SMAD5: variants seen among roughly 807,000 people sequenced by gnomAD.
SMAD5 encodes SMAD family member 5.
In SMAD5, 9 loss-of-function variants were observed where a neutral mutation model predicts 43.1. The observed-to-expected ratio is 0.21, with a 90% confidence interval of 0.13 to 0.36. The LOEUF (loss-of-function observed/expected upper bound fraction) is 0.36, where lower values mean the gene tolerates loss of function less well. SMAD5 is among the 10% of genes least tolerant of loss of function. The pLI, the probability that SMAD5 is intolerant of heterozygous loss-of-function variation, is 1.00. For synonymous variants in SMAD5, 190 were observed against 192.4 expected (o/e 0.99, Z 0.10); for missense variants, 348 against 574.0 (o/e 0.61, Z 4.02).
At chr5:136,163,203 T>C in intron 4 of SMAD5, 69 bp from the exon 5 acceptor site, 1 of 1,371,522 alleles carries the variant, frequency 7.3e-7, no homozygotes, top group Non-Finnish European at 1.0e-6. Flanking sequence ...CTTAAGAATT[T>C]TCTAAAGCTT....
chr5:136,151,540 G>T (rs1753462860), intron 2 of SMAD5, among the ~76,000 whole-genome samples: 1 of 152,028 alleles, frequency 6.6e-6, no homozygotes, highest in African/African-American at 2.4e-5. Context: ...CAATTAGGTA[G>T]GATAATGGTT....
intron 2 of SMAD5, among the ~76,000 whole-genome samples, chr5:136,148,762 G>A (rs1266953369): frequency 1.3e-5 from 2 of 151,720 alleles, no homozygotes; most frequent in Non-Finnish European, 3.0e-5. Context: ...ATAAACTTTG[G>A]AAATCTTGGA....
chr5:136,149,169 C>T (rs1161504638), intron 2 of SMAD5, among the ~76,000 whole-genome samples: 1 of 151,754 alleles, frequency 6.6e-6, no homozygotes, highest in Non-Finnish European at 1.5e-5. Context: ...CATACTAGTT[C>T]TTTCTGTAGC....
intron 4 of SMAD5, 150 bp from the exon 5 acceptor site, chr5:136,163,122 T>A: frequency 1.9e-6 from 1 of 533,692 alleles, no homozygotes; most frequent in Non-Finnish European, 3.1e-6. Context: ...CTGTTCTCCT[T>A]TTCCCTTGCC....
intron 5 of SMAD5, among the ~76,000 whole-genome samples, chr5:136,166,684 G>T (rs1754026030): frequency 6.6e-6 from 1 of 152,118 alleles, no homozygotes; most frequent in Non-Finnish European, 1.5e-5. Context: ...AATGATTTTA[G>T]CACACAACAT....
intron 3 of SMAD5, among the ~76,000 whole-genome samples, chr5:136,158,290 C>T (rs558931011): frequency 6.6e-6 from 1 of 151,882 alleles, no homozygotes; most frequent in South Asian, 2.1e-4. Context: ...GAAAACTTTC[C>T]AGAAAAGAAA....
At chr5:136,137,896 G>T (rs1469410419) in intron 1 of SMAD5, among the ~76,000 whole-genome samples, 1 of 152,210 alleles carries the variant, frequency 6.6e-6, no homozygotes, top group African/African-American at 2.4e-5. Context: ...ATAATGCACT[G>T]TAATATATGT....
intron 7 of SMAD5, among the ~76,000 whole-genome samples, chr5:136,176,451 G>A (rs1362225015): frequency 7.2e-5 from 6 of 83,688 alleles, no homozygotes; most frequent in African/African-American, 5.8e-5. Flanking sequence ...GAGAAACTCT[G>A]TCTCACAAAA....
intron 7 of SMAD5, 85 bp downstream of exon 7, chr5:136,174,717 T>A: frequency 1.1e-6 from 1 of 947,700 alleles, no homozygotes. Flanking sequence ...AATTGTTAAA[T>A]GAAAGTTGAT....
intron 3 of SMAD5, among the ~76,000 whole-genome samples, chr5:136,155,361 AAT>A (rs934694969): frequency 3.9e-5 from 6 of 152,148 alleles, no homozygotes; most frequent in South Asian, 2.1e-4. Flanking sequence ...TGTCTTAATA[AAT>A]ATGTCACCTC....
intron 3 of SMAD5, among the ~76,000 whole-genome samples, chr5:136,157,614 C>T (rs975105717): frequency 3.3e-5 from 5 of 152,066 alleles, no homozygotes; most frequent in Non-Finnish European, 7.4e-5. Flanking sequence ...TCATAAGGAG[C>T]GCACAACCTA....
intron 2 of SMAD5, among the ~76,000 whole-genome samples, chr5:136,148,973 A>G (rs1753358592): frequency 6.6e-6 from 1 of 151,872 alleles, no homozygotes. Context: ...GTATACATCC[A>G]TGTCATCATC....
intron 3 of SMAD5, among the ~76,000 whole-genome samples, chr5:136,155,605 C>T (rs556167426): frequency 6.6e-6 from 1 of 152,292 alleles, no homozygotes; most frequent in African/African-American, 2.4e-5. Context: ...TATGACCTAT[C>T]CTCAGAGTTC....
intron 1 of SMAD5, among the ~76,000 whole-genome samples, chr5:136,145,707 G>A (rs1753236498): frequency 6.6e-6 from 1 of 151,884 alleles, no homozygotes. Context: ...AGTATGCACT[G>A]TGTACTAAGT....
At chr5:136,161,256 A>T in intron 4 of SMAD5, 149 bp downstream of exon 4, 2 of 756,330 alleles carry the variant, frequency 2.6e-6, no homozygotes, top group East Asian at 5.4e-5. Context: ...TTTGATTTCC[A>T]GAAGAGTTTA....
At chr5:136,141,430 T>G (rs559754035) in intron 1 of SMAD5, among the ~76,000 whole-genome samples, 25 of 152,342 alleles carry the variant, frequency 1.6e-4, no homozygotes, top group Non-Finnish European at 3.2e-4. Context: ...TCATTGTACT[T>G]ACATATAGGG....
chr5:136,144,085 C>T (rs113443912), intron 1 of SMAD5, among the ~76,000 whole-genome samples: 1,922 of 152,122 alleles, frequency 0.013, 37 homozygotes, highest in African/African-American at 0.044. Flanking sequence ...TTTGATCACT[C>T]AGATTTAATT....
rs1372951665 is a variant in SMAD5, at chr5:136,178,565, GT to G, written c.*1089del. On this transcript the variant is annotated 3_prime_UTR_variant, in exon 8 of 8. Transcript: ENST00000545279. ...TAAGGTGCCTTTTTAATTCCCTACA[GT>G]TTTATGGGTGTTATCAGTGCTGGAG... is the stretch of plus-strand genomic sequence containing the variant. 1 of 152,138 alleles carries G rather than the reference GT, an allele frequency of 6.6e-6. No homozygotes were observed. Among genetic ancestry groups the G allele is most frequent in the Non-Finnish European group, 1.5e-5 (1 of 68,020 alleles). 9.4% of individuals were successfully genotyped at this position (152,138 alleles called of 1,614,324 possible). A position where few individuals can be genotyped will look rare whatever the true frequency, so the allele number is the denominator to read the frequency against.
Position 136,174,547 on chromosome 5 carries a change from A to G in SMAD5, c.1169A>G (p.Gln390Arg), listed in dbSNP as rs1580802628. ...ATTTTTAACAATCAGGAGTTTGCTC[A>G]GCTTCTGGCTCAATCTGTCAACCAT... is the stretch of plus-strand genomic sequence containing the variant. ...LKIFNNQEFA[Q>R]LLAQSVNHGF... Residue 390 changes from glutamine (Q) to arginine (R), a missense_variant, in exon 7 of 8, where the codon CAG becomes CGG. Around this residue, in one of 5 missense-constraint regions of SMAD5, gnomAD observed 97 missense variants for 211.8 expected, o/e 0.46. Coordinates refer to ENST00000545279, the MANE Select transcript of SMAD5 (RefSeq NM_005903.7). The G allele has an allele frequency of 1.2e-6, 2 of 1,613,836 alleles. No individual in the cohort carries two copies. Among genetic ancestry groups the G allele is most frequent in the Middle Eastern group, 1.6e-4 (1 of 6,062 alleles).
Sources: allele counts gnomAD v4.1 joint callset (sites outside exome capture counted in the v4.1 genomes callset), GRCh38; gene constraint gnomAD v4.1.1; regional missense constraint gnomAD v4.1.1; transcripts MANE v1.5; gene names NCBI Gene and HGNC (gene_info 2026-07-23, HGNC 2026-07-21).